Variants in NIBAN1 observed in about 807,000 individuals in gnomAD.
NIBAN1 encodes protein Niban 1.
Under a neutral mutation model 75.1 loss-of-function variants are expected in NIBAN1, and 81 were observed. The ratio of observed to expected loss-of-function variants is 1.08; its 90% confidence interval spans 0.90 to 1.30. NIBAN1 has a LOEUF of 1.30. Ranked by LOEUF, NIBAN1 falls within the 50% of genes most tolerant of loss-of-function variation. The pLI is 0.00. For missense variants in NIBAN1, 1,133 were observed against 1,128.1 expected, an observed-to-expected ratio of 1.00 and a Z score of -0.06; for synonymous variants, 436 against 424.8, an observed-to-expected ratio of 1.03 and a Z score of -0.32.
chr1:184,802,863 A>T (rs16823518), intron 12 of NIBAN1, among the ~76,000 whole-genome samples: 4,733 of 152,262 alleles, frequency 0.031, 195 homozygotes, highest in African/African-American at 0.099. Context: ...TTAGGTAAGC[A>T]AGAACTGGGT....
chr1:184,893,226 G>A (rs190118345), intron 3 of NIBAN1, among the ~76,000 whole-genome samples: 2 of 152,242 alleles, frequency 1.3e-5, no homozygotes, highest in Non-Finnish European at 2.9e-5. Context: ...AGGATAGTGG[G>A]ATCATTTGAC....
chr1:184,889,458 T>C (rs555008924), intron 4 of NIBAN1, among the ~76,000 whole-genome samples: 1 of 152,282 alleles, frequency 6.6e-6, no homozygotes, highest in East Asian at 1.9e-4. Context: ...TTTTTCACAG[T>C]AGCTATGAGT....
At chr1:184,799,513 G>A (rs1248595817) in intron 12 of NIBAN1, among the ~76,000 whole-genome samples, 1 of 148,396 alleles carries the variant, frequency 6.7e-6, no homozygotes, top group Admixed American at 6.8e-5. Context: ...ATGTGTGCAT[G>A]TGTCTTTATA....
intron 4 of NIBAN1, chr1:184,887,730 TATCTTTAGTGAG>T (rs1656563222): frequency 6.6e-6 from 1 of 152,226 alleles, no homozygotes; most frequent in African/African-American, 2.4e-5. Context: ...AATATCGAAA[TATCTTTAGTGAG>T]ATAATAAAAC....
At chr1:184,812,964 G>A (rs1342141504) in intron 9 of NIBAN1, among the ~76,000 whole-genome samples, 1 of 152,164 alleles carries the variant, frequency 6.6e-6, no homozygotes, top group Non-Finnish European at 1.5e-5. Flanking sequence ...AGAAACATCA[G>A]TCATTTGGCC....
intron 1 of NIBAN1, among the ~76,000 whole-genome samples, chr1:184,945,437 C>T (rs888882768): frequency 3.9e-5 from 6 of 152,112 alleles, no homozygotes; most frequent in East Asian, 1.9e-4. Flanking sequence ...ACTATAAATA[C>T]AGATCTAGAT....
intron 1 of NIBAN1, among the ~76,000 whole-genome samples, chr1:184,936,970 G>T (rs1352673103): frequency 6.6e-6 from 1 of 152,004 alleles, no homozygotes; most frequent in African/African-American, 2.4e-5. Context: ...GGACTTATAT[G>T]AAGTCACACT....
chr1:184,915,640 G>C (rs1386366499), intron 1 of NIBAN1, among the ~76,000 whole-genome samples: 1 of 152,108 alleles, frequency 6.6e-6, no homozygotes, highest in African/African-American at 2.4e-5. Flanking sequence ...GGATGGCCTC[G>C]GCTGTATTTG....
chr1:184,824,006 C>G (rs1479624733), intron 6 of NIBAN1, among the ~76,000 whole-genome samples: 1 of 152,160 alleles, frequency 6.6e-6, no homozygotes, highest in African/African-American at 2.4e-5. Context: ...ATAACAAATT[C>G]CCCAAATTCG....
At chr1:184,972,784 G>T (rs1200522784) in intron 1 of NIBAN1, among the ~76,000 whole-genome samples, 1 of 152,202 alleles carries the variant, frequency 6.6e-6, no homozygotes, top group Non-Finnish European at 1.5e-5. Flanking sequence ...TACAATGTTT[G>T]CATCAATAGC....
chr1:184,948,078 A>G (rs895020166), intron 1 of NIBAN1, among the ~76,000 whole-genome samples: 7 of 152,220 alleles, frequency 4.6e-5, no homozygotes, highest in Non-Finnish European at 1.0e-4. Context: ...TATTTATTCA[A>G]CCTACTCCCA....
chr1:184,873,995 A>C (rs1656173628), intron 5 of NIBAN1, among the ~76,000 whole-genome samples: 3 of 152,152 alleles, frequency 2.0e-5, no homozygotes, highest in Admixed American at 6.5e-5. Flanking sequence ...AGTCCACAAC[A>C]ACCTATAAGT....
intron 4 of NIBAN1, among the ~76,000 whole-genome samples, chr1:184,887,084 G>T (rs996397762): frequency 6.6e-6 from 1 of 152,172 alleles, no homozygotes; most frequent in Non-Finnish European, 1.5e-5. Flanking sequence ...TCATGCCACT[G>T]CACTCCAGCC....
chr1:184,929,609 T>C (rs1438579252), intron 1 of NIBAN1, among the ~76,000 whole-genome samples: 1 of 152,194 alleles, frequency 6.6e-6, no homozygotes, highest in Non-Finnish European at 1.5e-5. Flanking sequence ...TTTTAAGGCA[T>C]TCAGTTTTTA....
intron 12 of NIBAN1, among the ~76,000 whole-genome samples, chr1:184,800,926 T>G (rs1474833132): frequency 1.3e-5 from 2 of 152,198 alleles, no homozygotes; most frequent in East Asian, 3.9e-4. Context: ...GGCCCTGACA[T>G]TCATTGATTC....
intron 1 of NIBAN1, among the ~76,000 whole-genome samples, chr1:184,910,781 T>A (rs977289369): frequency 1.3e-5 from 2 of 152,120 alleles, no homozygotes; most frequent in African/African-American, 4.8e-5. Flanking sequence ...GTAAAGCCGA[T>A]TGGGCAATGT....
In NIBAN1 at chr1:184,946,289, AAT is replaced by A. The variant is rs1383936366; in HGVS notation, c.55+28011_55+28012del. Among the ~76,000 whole-genome samples the A allele has an allele frequency of 3.9e-5, 6 of 152,358 alleles. No homozygotes were observed. In the South Asian group the frequency reaches 1.2e-3, roughly 32 times the overall value. On this transcript the variant is annotated intron_variant, in intron 1 of 13. Transcript: ENST00000367511. ...TTTTCAGACTTAAAATAGTAGACTA[AAT>A]ATGGTTACAGAAAAAGGAAGCTGAG...
chr1:184,908,447 A>G (rs1401136887), intron 1 of NIBAN1, among the ~76,000 whole-genome samples: 2 of 152,174 alleles, frequency 1.3e-5, no homozygotes, highest in African/African-American at 4.8e-5. Context: ...GAGAGGAAAA[A>G]ACACACTACC....
chr1:184,940,613 A>AG (rs1340608111), intron 1 of NIBAN1, among the ~76,000 whole-genome samples: 1 of 152,226 alleles, frequency 6.6e-6, no homozygotes, highest in African/African-American at 2.4e-5. Flanking sequence ...GTAGTGGGCT[A>AG]GGGGGAGAAC....
Sources: allele counts gnomAD v4.1 joint callset (sites outside exome capture counted in the v4.1 genomes callset), GRCh38; gene constraint gnomAD v4.1.1; transcripts MANE v1.5; gene names NCBI Gene and HGNC (gene_info 2026-07-23, HGNC 2026-07-21).